KCNIP4: variants seen among roughly 807,000 people sequenced by gnomAD.
KCNIP4 encodes the protein Kv channel-interacting protein 4.
KCNIP4 carries 12 observed loss-of-function variants against 34.0 expected under a neutral mutation model. The observed-to-expected ratio is 0.35, with a 90% CI of 0.23 to 0.57. KCNIP4 has a LOEUF of 0.57. Among genes scored for constraint, KCNIP4 ranks in the 20% least tolerant of loss-of-function variants. The pLI is 0.83. For missense variants in KCNIP4, 238 were observed against 311.7 expected, an observed-to-expected ratio of 0.76 and a Z score of 1.78; for synonymous variants, 124 against 102.2, an observed-to-expected ratio of 1.21 and a Z score of -1.29.
chr4:21,510,435 G>GATACTATTGAC (rs1430287345), intron 1 of KCNIP4, among the ~76,000 whole-genome samples: 1 of 152,058 alleles, frequency 6.6e-6, no homozygotes, highest in Non-Finnish European at 1.5e-5. Flanking sequence ...TTATTCTACT[G>GATACTATTGAC]ATACTATTGA....
chr4:21,812,769 A>G (rs1721737999), intron 1 of KCNIP4, among the ~76,000 whole-genome samples: 1 of 152,170 alleles, frequency 6.6e-6, no homozygotes. Flanking sequence ...CATAATGCTA[A>G]GAAATTGGGT....
intron 1 of KCNIP4, among the ~76,000 whole-genome samples, chr4:21,643,592 A>G (rs1354568133): frequency 6.6e-6 from 1 of 152,196 alleles, no homozygotes; most frequent in Admixed American, 6.5e-5. Context: ...AGATGAGATT[A>G]ACATTTAAAT....
intron 1 of KCNIP4, among the ~76,000 whole-genome samples, chr4:21,141,855 G>C (rs1052009096): frequency 6.7e-6 from 1 of 149,860 alleles, no homozygotes; most frequent in African/African-American, 2.4e-5. Flanking sequence ...GGAGACAACA[G>C]AAAATAACAA....
At chr4:21,445,129 A>G (rs1727861105) in intron 1 of KCNIP4, among the ~76,000 whole-genome samples, 1 of 152,210 alleles carries the variant, frequency 6.6e-6, no homozygotes, top group African/African-American at 2.4e-5. Context: ...AAAAGAGGAT[A>G]CAAACAAATG....
rs2288308 is a variant in KCNIP4, at chr4:20,729,424, T to C, written c.*658A>G. 49,784 of 152,294 alleles carry C rather than the reference T, an allele frequency of 0.33. 8,597 individuals are homozygous for C. Among genetic ancestry groups the C allele is most frequent in the African/African-American group, 0.43 (17,955 of 41,400 alleles). The allele number at this position is 152,294 out of a possible 1,614,324, so 9.4% of individuals were successfully genotyped here. A position where few individuals can be genotyped will look rare whatever the true frequency, so the allele number is the denominator to read the frequency against. ...TAACATATTATGGAAAATTAAATGC[T>C]TATTAAAATAAGTTTTATTAGGCAT... On this transcript the variant is annotated 3_prime_UTR_variant, in exon 9 of 9. Coordinates refer to ENST00000382152, the MANE Select transcript of KCNIP4 (RefSeq NM_025221.6).
intron 3 of KCNIP4, among the ~76,000 whole-genome samples, chr4:20,841,741 G>A (rs1719745332): frequency 9.4e-6 from 1 of 106,228 alleles, no homozygotes; most frequent in Non-Finnish European, 2.1e-5. Flanking sequence ...GCCCTCCAGG[G>A]CCATCTTAAA....
chr4:21,551,784 C>A (rs976897356), intron 1 of KCNIP4, among the ~76,000 whole-genome samples: 2 of 151,942 alleles, frequency 1.3e-5, no homozygotes, highest in East Asian at 1.9e-4. Context: ...TTCCCCTAAC[C>A]GCACTATACT....
intron 1 of KCNIP4, among the ~76,000 whole-genome samples, chr4:21,883,045 C>T (rs889844082): frequency 2.0e-5 from 3 of 152,032 alleles, no homozygotes; most frequent in Non-Finnish European, 4.4e-5. Flanking sequence ...ATTCTATGCT[C>T]TCTAGGCCCA....
At chr4:21,458,186 T>C (rs1323533177) in intron 1 of KCNIP4, among the ~76,000 whole-genome samples, 1 of 133,562 alleles carries the variant, frequency 7.5e-6, no homozygotes, top group Non-Finnish European at 1.5e-5. Context: ...ATATTCCCCT[T>C]CCTGTGTCCA....
At chr4:20,749,265 TA>T (rs986256534) in intron 5 of KCNIP4, among the ~76,000 whole-genome samples, 4 of 152,210 alleles carry the variant, frequency 2.6e-5, no homozygotes, top group African/African-American at 9.6e-5. Context: ...TTTCTACATT[TA>T]ATTTCTTGCC....
intron 3 of KCNIP4, among the ~76,000 whole-genome samples, chr4:20,833,695 T>C (rs1227950393): frequency 7.9e-5 from 12 of 152,116 alleles, no homozygotes; most frequent in Non-Finnish European, 1.5e-5. Flanking sequence ...GGGCTCAATA[T>C]TAACTTTTTC....
intron 1 of KCNIP4, among the ~76,000 whole-genome samples, chr4:21,111,756 T>C (rs894042018): frequency 2.0e-5 from 3 of 152,098 alleles, no homozygotes; most frequent in Admixed American, 1.3e-4. Context: ...AGAAGAGTTA[T>C]TGCAGGCAGG....
chr4:21,903,881 A>G (rs1727846573), intron 1 of KCNIP4, among the ~76,000 whole-genome samples: 1 of 152,078 alleles, frequency 6.6e-6, no homozygotes, highest in Admixed American at 6.6e-5. Context: ...TTCACAATAT[A>G]TTTCAAAGGC....
At chr4:21,450,355 G>T (rs912521009) in intron 1 of KCNIP4, among the ~76,000 whole-genome samples, 15 of 152,136 alleles carry the variant, frequency 9.9e-5, no homozygotes, top group Admixed American at 8.5e-4. Context: ...TTTATGTAAA[G>T]AGAGATGGGT....
intron 1 of KCNIP4, among the ~76,000 whole-genome samples, chr4:21,132,853 C>CAAAAAAAAA (rs71189683): frequency 8.6e-6 from 1 of 116,702 alleles, no homozygotes; most frequent in East Asian, 2.9e-4. Context: ...TACTAAACGA[C>CAAAAAAAAA]AAAAAAAAAA....
chr4:21,409,465 A>G (rs942774749), intron 1 of KCNIP4, among the ~76,000 whole-genome samples: 1 of 152,146 alleles, frequency 6.6e-6, no homozygotes, highest in Non-Finnish European at 1.5e-5. Context: ...TAAAATTTCA[A>G]TAAAGATCAA....
chr4:21,103,466 T>C (rs950043301), intron 1 of KCNIP4, among the ~76,000 whole-genome samples: 1 of 149,036 alleles, frequency 6.7e-6, no homozygotes, highest in Non-Finnish European at 1.5e-5. Context: ...TACATTTATT[T>C]TAATTATATC....
intron 1 of KCNIP4, among the ~76,000 whole-genome samples, chr4:21,478,018 C>A (rs1731130618): frequency 6.6e-6 from 1 of 152,176 alleles, no homozygotes; most frequent in Non-Finnish European, 1.5e-5. Context: ...GTCAACCTCT[C>A]AACATATCCT....
At chr4:21,365,260 G>A (rs947490630) in intron 1 of KCNIP4, among the ~76,000 whole-genome samples, 12 of 151,856 alleles carry the variant, frequency 7.9e-5, no homozygotes, top group Admixed American at 2.6e-4. Context: ...CGAGGTGGGC[G>A]GATCACTTGA....
Sources: gnomAD v4.1 joint callset for allele counts (sites outside exome capture counted in the v4.1 genomes callset) on GRCh38, gnomAD v4.1.1 for gene constraint, MANE v1.5 for transcripts, NCBI Gene and HGNC (gene_info 2026-07-23, HGNC 2026-07-21) for gene names.